PLCXD3: variants seen among roughly 807,000 people sequenced by gnomAD.
PLCXD3 encodes the protein phosphatidylinositol specific phospholipase C X domain containing 3.
Under a neutral mutation model 25.5 loss-of-function variants are expected in PLCXD3, and 19 were observed. The ratio of observed to expected loss-of-function variants is 0.75; its 90% CI spans 0.52 to 1.09. The LOEUF is 1.09. PLCXD3 is among the 50% of genes least tolerant of loss of function. The pLI is 0.00. For synonymous variants in PLCXD3, 174 were observed against 137.6 expected, an observed-to-expected ratio of 1.26 and a Z score of -1.85; for missense variants, 411 against 388.1, an observed-to-expected ratio of 1.06 and a Z score of -0.50.
chr5:41,431,998 G>A (rs1747120922), intron 1 of PLCXD3, among the ~76,000 whole-genome samples: 1 of 152,174 alleles, frequency 6.6e-6, no homozygotes, highest in Non-Finnish European at 1.5e-5. Context: ...GGAGAAGCTA[G>A]TTAGGGAATG....
chr5:41,314,346 G>A (rs918285773), intron 2 of PLCXD3, among the ~76,000 whole-genome samples: 2 of 152,192 alleles, frequency 1.3e-5, no homozygotes, highest in Non-Finnish European at 2.9e-5. Context: ...AGTCATCAGT[G>A]TAGGCACCTG....
chr5:41,363,682 A>G (rs1477703607), intron 2 of PLCXD3, among the ~76,000 whole-genome samples: 1 of 152,248 alleles, frequency 6.6e-6, no homozygotes, highest in Non-Finnish European at 1.5e-5. Context: ...AGCCTTCATT[A>G]GCTTTGCTCA....
chr5:41,335,875 A>G (rs867841478), intron 2 of PLCXD3, among the ~76,000 whole-genome samples: 2 of 152,172 alleles, frequency 1.3e-5, no homozygotes, highest in East Asian at 1.9e-4. Flanking sequence ...GGAGATGTCC[A>G]TAAAGCCTCC....
rs376343180 is a variant in PLCXD3 at position 41,432,943 on chromosome 5, G to C, written c.104-50409C>G. Reference sequence around the variant, plus strand: ...CACATCTCAGTCTGTCTTGTCTGCTGTTTTCTTTTGGCCCAGAACCAGTTT... The same window carrying C: ...CACATCTCAGTCTGTCTTGTCTGCTCTTTTCTTTTGGCCCAGAACCAGTTT... On this transcript the variant is annotated intron_variant, in intron 1 of 2. Transcript: ENST00000377801. Among the ~76,000 whole-genome samples, 178 of 152,290 alleles carry C rather than the reference G, an allele frequency of 1.2e-3. 1 individual carries two copies. Among genetic ancestry groups the C allele is most frequent in the South Asian group, 4.6e-3 (22 of 4,826 alleles).
intron 1 of PLCXD3, among the ~76,000 whole-genome samples, chr5:41,494,345 G>A (rs1748788663): frequency 6.6e-6 from 1 of 152,230 alleles, no homozygotes; most frequent in African/African-American, 2.4e-5. Flanking sequence ...TTGAAGAACA[G>A]TAGAAATATT....
chr5:41,315,191 G>T (rs542390931), intron 2 of PLCXD3, among the ~76,000 whole-genome samples: 2 of 152,130 alleles, frequency 1.3e-5, no homozygotes, highest in Non-Finnish European at 2.9e-5. Flanking sequence ...CTATAACTTG[G>T]TCAGGGCAGG....
chr5:41,434,879 A>G (rs1330825976), intron 1 of PLCXD3, among the ~76,000 whole-genome samples: 1 of 152,128 alleles, frequency 6.6e-6, no homozygotes, highest in Non-Finnish European at 1.5e-5. Context: ...CAAATTGTGG[A>G]GGACCAGGAG....
At chr5:41,405,734 A>G (rs906056718) in intron 1 of PLCXD3, among the ~76,000 whole-genome samples, 7 of 152,254 alleles carry the variant, frequency 4.6e-5, no homozygotes, top group African/African-American at 1.4e-4. Flanking sequence ...AACATTTTTT[A>G]CCAATTAGGC....
intron 1 of PLCXD3, among the ~76,000 whole-genome samples, chr5:41,488,067 CT>C (rs1748560801): frequency 8.6e-6 from 1 of 116,550 alleles, no homozygotes; most frequent in Admixed American, 9.2e-5. Context: ...TCCCTCCCCC[CT>C]CCCCCCTCCC....
chr5:41,347,649 C>G (rs1271341654), intron 2 of PLCXD3, among the ~76,000 whole-genome samples: 1 of 152,186 alleles, frequency 6.6e-6, no homozygotes, highest in East Asian at 1.9e-4. Flanking sequence ...TAAAGGAAGA[C>G]ATGGAAGATG....
At chr5:41,489,779 G>A (rs1748612160) in intron 1 of PLCXD3, among the ~76,000 whole-genome samples, 1 of 151,524 alleles carries the variant, frequency 6.6e-6, no homozygotes, top group African/African-American at 2.4e-5. Flanking sequence ...TTTGTACATT[G>A]ATTTTGTATC....
chr5:41,319,745 A>G (rs1252770687), intron 2 of PLCXD3, among the ~76,000 whole-genome samples: 2 of 151,384 alleles, frequency 1.3e-5, no homozygotes, highest in Non-Finnish European at 2.9e-5. Context: ...AGTAGAAGAA[A>G]AGAAATAATA....
In PLCXD3 at chr5:41,307,621, A is replaced by G. The variant is rs1279691985; in HGVS notation, c.*5996T>C. ...TTGCGCCTGCCTCCCCTGTCCCCCAACAATGTTCTGAGAAGGTGTCACCAG... is the reference window on the plus strand; with the variant it reads ...TTGCGCCTGCCTCCCCTGTCCCCCAGCAATGTTCTGAGAAGGTGTCACCAG... On this transcript the variant is annotated 3_prime_UTR_variant, in exon 3 of 3. Transcript: ENST00000377801. 1 of 152,226 alleles carries G rather than the reference A, an allele frequency of 6.6e-6. No homozygotes were observed. Among genetic ancestry groups the G allele is most frequent in the Non-Finnish European group, 1.5e-5 (1 of 68,146 alleles). 9.4% of individuals were successfully genotyped at this position (152,226 alleles called of 1,614,324 possible).
At chr5:41,381,803 C>CT in intron 2 of PLCXD3, 23 bp downstream of exon 2, 1 of 1,569,256 alleles carries the variant, frequency 6.4e-7, no homozygotes, top group Admixed American at 1.9e-5. Context: ...GAGGTTTCCC[C>CT]CTGACATTTT....
chr5:41,462,606 T>G (rs1747914544), intron 1 of PLCXD3, among the ~76,000 whole-genome samples: 1 of 150,436 alleles, frequency 6.6e-6, no homozygotes. Context: ...TCCATGAGAG[T>G]TCCATGTAGC....
At chr5:41,367,946 T>C (rs370407910) in intron 2 of PLCXD3, among the ~76,000 whole-genome samples, 1 of 152,126 alleles carries the variant, frequency 6.6e-6, no homozygotes, top group African/African-American at 2.4e-5. Flanking sequence ...AATCAGATGG[T>C]TGTAGGTGTG....
chr5:41,381,998 C>T lies in PLCXD3; in HGVS notation c.640G>A (p.Ala214Thr), dbSNP rs1580338635. 1.9e-6 allele frequency: 3 copies of T among 1,613,488 alleles called. No individual in the cohort carries two copies. Among genetic ancestry groups the T allele is most frequent in the Non-Finnish European group, 2.5e-6 (3 of 1,179,740 alleles). ...PFLWPGQMMP[A>T]PWANTTDPEK... Reference sequence around the variant, plus strand: ...GGGTCTGTGGTGTTGGCCCAGGGTGCTGGCATCATCTGCCCAGGCCAGAGA... The same window carrying T: ...GGGTCTGTGGTGTTGGCCCAGGGTGTTGGCATCATCTGCCCAGGCCAGAGA... Residue 214 changes from alanine (A) to threonine (T), a missense_variant, in exon 2 of 3, where the codon GCA becomes ACA. Coordinates refer to ENST00000377801, the MANE Select transcript of PLCXD3 (RefSeq NM_001005473.3).
chr5:41,362,177 C>T (rs975774265), intron 2 of PLCXD3, among the ~76,000 whole-genome samples: 4 of 152,190 alleles, frequency 2.6e-5, no homozygotes, highest in African/African-American at 9.6e-5. Context: ...AGTAGACAAA[C>T]ATTTTCTTCT....
chr5:41,466,026 G>A (rs191369991), intron 1 of PLCXD3, among the ~76,000 whole-genome samples: 21 of 151,864 alleles, frequency 1.4e-4, no homozygotes, highest in African/African-American at 3.6e-4. Context: ...AACACATTTC[G>A]TTTATCATTT....
Sources: gnomAD v4.1 joint callset for allele counts (sites outside exome capture counted in the v4.1 genomes callset) on GRCh38, gnomAD v4.1.1 for gene constraint, MANE v1.5 for transcripts, NCBI Gene and HGNC (gene_info 2026-07-23, HGNC 2026-07-21) for gene names.